Variants in GRK4 observed in about 807,000 individuals in gnomAD.
GRK4 encodes G protein-coupled receptor kinase 2-like.
Under a neutral mutation model 77.9 loss-of-function variants are expected in GRK4, and 73 were observed. That is an observed-to-expected ratio of 0.94 (90% confidence interval 0.78 to 1.14). GRK4 has a LOEUF of 1.14. Among genes scored for constraint, GRK4 ranks in the 50% most tolerant of loss-of-function variants. The pLI is 0.00. For synonymous variants in GRK4, 257 were observed against 254.4 expected (o/e 1.01, Z -0.10); for missense variants, 729 against 700.2 (o/e 1.04, Z -0.46).
intron 4 of GRK4, among the ~76,000 whole-genome samples, chr4:3,003,087 C>T (rs1205138893): frequency 6.6e-6 from 1 of 152,184 alleles, no homozygotes. Flanking sequence ...CAGTTCTCTC[C>T]AAGCGCCTGG....
chr4:3,025,969 T>C (rs781671393), intron 10 of GRK4, among the ~76,000 whole-genome samples: 11 of 152,260 alleles, frequency 7.2e-5, no homozygotes, highest in Non-Finnish European at 1.3e-4. Context: ...GCAACACTCA[T>C]GGACGGCTTC....
At chr4:3,013,470 T>C (rs560143258) in intron 7 of GRK4, among the ~76,000 whole-genome samples, 13 of 152,306 alleles carry the variant, frequency 8.5e-5, no homozygotes, top group Non-Finnish European at 1.6e-4. Context: ...GCCAACTAGT[T>C]CCATTTGTAC....
intron 7 of GRK4, among the ~76,000 whole-genome samples, chr4:3,012,044 C>T (rs1733073879): frequency 1.3e-5 from 2 of 152,210 alleles, no homozygotes; most frequent in African/African-American, 2.4e-5. Context: ...CCCTGCCCGC[C>T]AGGCTGCTGT....
intron 8 of GRK4, 67 bp from the exon 9 acceptor site, chr4:3,019,574 C>T: frequency 8.0e-7 from 1 of 1,253,940 alleles, no homozygotes; most frequent in Non-Finnish European, 1.1e-6. Context: ...ATATTATTAG[C>T]AAATAGAGGA....
At chr4:3,022,268 G>T (rs979577416) in intron 9 of GRK4, 146 bp from the exon 10 acceptor site, 11 of 681,514 alleles carry the variant, frequency 1.6e-5, no homozygotes, top group Non-Finnish European at 2.9e-5. Context: ...TAACATTCTT[G>T]TCCTGCCTGT....
At chr4:2,996,084 C>T (rs1330033123) in intron 4 of GRK4, among the ~76,000 whole-genome samples, 2 of 150,802 alleles carry the variant, frequency 1.3e-5, no homozygotes, top group African/African-American at 4.9e-5. Context: ...TTTTTTTTTC[C>T]CCCTTCTTAA....
At chr4:3,036,614 C>T (rs756386600) in intron 13 of GRK4, among the ~76,000 whole-genome samples, 7 of 152,218 alleles carry the variant, frequency 4.6e-5, no homozygotes, top group Admixed American at 1.3e-4. Context: ...GGTGGAGACC[C>T]GGACCTTGGC....
chr4:2,969,461 C>G (rs1275624726), intron 1 of GRK4: 1 of 151,550 alleles, frequency 6.6e-6, no homozygotes, highest in Non-Finnish European at 1.5e-5. Flanking sequence ...ACCGCAACCT[C>G]CGCCTCCTGG....
chr4:3,016,750 AC>A (rs1734664148), intron 8 of GRK4, among the ~76,000 whole-genome samples: 1 of 151,820 alleles, frequency 6.6e-6, no homozygotes, highest in Non-Finnish European at 1.5e-5. Flanking sequence ...AACAAAAAAA[AC>A]CCCCGTGTAA....
chr4:3,037,065 G>GTGTGTT (rs1257538117), intron 13 of GRK4, among the ~76,000 whole-genome samples: 3 of 106,732 alleles, frequency 2.8e-5, no homozygotes, highest in African/African-American at 1.4e-4. Flanking sequence ...GTGTGTGTGT[G>GTGTGTT]TGTGTATGTG....
At chr4:2,982,569 G>C (rs558183279) in intron 1 of GRK4, among the ~76,000 whole-genome samples, 1 of 152,232 alleles carries the variant, frequency 6.6e-6, no homozygotes, top group African/African-American at 2.4e-5. Context: ...GATCATGCTT[G>C]TTTTCCACTT....
At chr4:3,025,972 A>T (rs1438644829) in intron 10 of GRK4, among the ~76,000 whole-genome samples, 2 of 152,200 alleles carry the variant, frequency 1.3e-5, no homozygotes, top group African/African-American at 4.8e-5. Flanking sequence ...ACACTCATGG[A>T]CGGCTTCCGT....
intron 2 of GRK4, among the ~76,000 whole-genome samples, chr4:2,988,391 C>T (rs1351258260): frequency 6.6e-6 from 1 of 151,990 alleles, no homozygotes; most frequent in Admixed American, 6.6e-5. Flanking sequence ...AATCTTTTAT[C>T]CGTTTTAAAA....
chr4:3,017,329 A>T (rs1362801937), intron 8 of GRK4, among the ~76,000 whole-genome samples: 1 of 151,460 alleles, frequency 6.6e-6, no homozygotes, highest in Non-Finnish European at 1.5e-5. Context: ...GTCGCCCATC[A>T]CTCTGTTGGA....
intron 8 of GRK4, among the ~76,000 whole-genome samples, chr4:3,014,681 C>T (rs1733948763): frequency 6.6e-6 from 1 of 152,048 alleles, no homozygotes; most frequent in Admixed American, 6.5e-5. Flanking sequence ...CCTGTAGTCC[C>T]AGCTACTTGG....
intron 1 of GRK4, among the ~76,000 whole-genome samples, chr4:2,979,419 A>AAG (rs1722186606): frequency 6.6e-6 from 1 of 150,520 alleles, no homozygotes; most frequent in Non-Finnish European, 1.5e-5. Flanking sequence ...AAAAAAAAAA[A>AAG]AAAAAAAGAG....
intron 12 of GRK4, among the ~76,000 whole-genome samples, chr4:3,033,141 G>T (rs1166484776): frequency 3.3e-5 from 5 of 152,194 alleles, no homozygotes; most frequent in Non-Finnish European, 7.3e-5. Context: ...TTAGCACTTT[G>T]GGAGGCTGAG....
intron 1 of GRK4, among the ~76,000 whole-genome samples, chr4:2,969,704 C>T (rs1718903119): frequency 6.6e-6 from 1 of 151,182 alleles, no homozygotes; most frequent in Non-Finnish European, 1.5e-5. Context: ...CAGGGTCTCA[C>T]TCTGTTACCC....
chr4:3,038,284 C>G, intron 14 of GRK4, 92 bp from the exon 15 acceptor site: 3 of 1,518,324 alleles, frequency 2.0e-6, no homozygotes, highest in Non-Finnish European at 2.7e-6. Context: ...GTGCCCCGCA[C>G]GGGGCTGGGC....
Sources: gnomAD v4.1 joint callset for allele counts (sites outside exome capture counted in the v4.1 genomes callset) on GRCh38, gnomAD v4.1.1 for gene constraint, MANE v1.5 for transcripts, NCBI Gene and HGNC (gene_info 2026-07-23, HGNC 2026-07-21) for gene names.